Variants in HSDL1 observed in about 807,000 individuals in gnomAD.
HSDL1 encodes the protein inactive hydroxysteroid dehydrogenase-like protein 1.
HSDL1 carries 29 observed loss-of-function variants against 31.5 expected under a neutral mutation model. That is an observed-to-expected ratio of 0.92 (90% CI 0.69 to 1.26). The LOEUF (loss-of-function observed/expected upper bound fraction) is 1.26, where lower values mean the gene tolerates loss of function less well. HSDL1 is among the 50% of genes most tolerant of loss of function. The pLI is 0.00. For missense variants in HSDL1, 503 were observed against 416.6 expected (o/e 1.21, Z -1.81); for synonymous variants, 222 against 155.2 (o/e 1.43, Z -3.20).
In HSDL1 at chr16:84,135,581, G is replaced by C. The variant is rs1171118215; in HGVS notation, c.-44C>G. On this transcript the variant is annotated 5_prime_UTR_variant, in exon 2 of 6. Transcript: ENST00000219439. ...AGTTCTGGGCCGTCAGCAGTATGTG[G>C]CTCCGTCCTTCTCTTAAGGCCAATC... 2 of 152,218 alleles carry C rather than the reference G, an allele frequency of 1.3e-5. No homozygotes were observed. Among genetic ancestry groups the C allele is most frequent in the East Asian group, 1.9e-4 (1 of 5,196 alleles). 9.4% of individuals were successfully genotyped at this position (152,218 alleles called of 1,614,324 possible).
Position 84,130,017 on chromosome 16 carries a change from G to C in HSDL1, c.635C>G (p.Thr212Ser). 6.2e-7 allele frequency: 1 copy of C among 1,614,048 alleles called. No homozygotes were observed. The highest frequency in any genetic ancestry group is 8.5e-7 in the Non-Finnish European group (1 of 1,179,934). ...AGCAGAAAATGCAGCCAGCTGAGGA[G>C]TGGGTTTGCAGCAGGAGCCAGAAGA... ...TISSGSCCKP[T>S]PQLAAFSASK... is the part of the protein sequence containing the mutation. Residue 212 changes from threonine (T) to serine (S), a missense_variant, in exon 4 of 6, where the codon ACT becomes AGT. Thr to Ser is a moderately conservative substitution (Grantham distance 58). Coordinates refer to ENST00000219439, the MANE Select transcript of HSDL1 (RefSeq NM_031463.5).
intron 1 of HSDL1, among the ~76,000 whole-genome samples, chr16:84,136,480 G>A (rs1348547845): frequency 6.6e-6 from 1 of 152,260 alleles, no homozygotes; most frequent in Non-Finnish European, 1.5e-5. Context: ...TCTGGCTGCA[G>A]CTCACAGGCA....
intron 5 of HSDL1, among the ~76,000 whole-genome samples, chr16:84,127,936 G>A: frequency 6.6e-6 from 1 of 150,384 alleles, no homozygotes; most frequent in East Asian, 2.0e-4. Context: ...AGCCAGGATG[G>A]TCTCGATCTC....
intron 1 of HSDL1, among the ~76,000 whole-genome samples, chr16:84,143,145 G>C (rs1194236413): frequency 6.6e-6 from 1 of 152,182 alleles, no homozygotes; most frequent in African/African-American, 2.4e-5. Context: ...AAAAACTCCT[G>C]CTTGCATGTT....
chr16:84,127,452 G>A (rs1184790444), intron 5 of HSDL1, among the ~76,000 whole-genome samples: 1 of 151,708 alleles, frequency 6.6e-6, no homozygotes, highest in East Asian at 1.9e-4. Context: ...CTGACCTCAG[G>A]TGATCCACCA....
chr16:84,141,548 T>G (rs532233779), intron 1 of HSDL1, among the ~76,000 whole-genome samples: 1 of 152,366 alleles, frequency 6.6e-6, no homozygotes, highest in South Asian at 2.1e-4. Flanking sequence ...TGCCCATGGT[T>G]TAACTGCTGG....
intron 1 of HSDL1, among the ~76,000 whole-genome samples, chr16:84,137,428 C>T (rs545737398): frequency 1.5e-3 from 233 of 152,330 alleles, no homozygotes; most frequent in African/African-American, 5.4e-3. Context: ...GATGCCTTCA[C>T]GCCAGACTGG....
chr16:84,141,082 C>T (rs1020707240), intron 1 of HSDL1, among the ~76,000 whole-genome samples: 3 of 136,690 alleles, frequency 2.2e-5, no homozygotes, highest in African/African-American at 1.1e-4. Context: ...CAGAACGAGA[C>T]TCCGTCTCAA....
intron 1 of HSDL1, among the ~76,000 whole-genome samples, chr16:84,138,352 T>C (rs543860269): frequency 3.9e-5 from 6 of 152,312 alleles, no homozygotes; most frequent in African/African-American, 1.4e-4. Context: ...CAAAGGGGTA[T>C]AAACTTTCAA....
intron 2 of HSDL1, 108 bp from the exon 3 acceptor site, chr16:84,131,435 A>G (rs2086664888): frequency 4.1e-6 from 3 of 737,936 alleles, no homozygotes; most frequent in Non-Finnish European, 7.1e-6. Context: ...TGTCAATTGT[A>G]CGTTCAAATA....
At chr16:84,141,429 TAGGC>T (rs1377472098) in intron 1 of HSDL1, among the ~76,000 whole-genome samples, 9 of 152,176 alleles carry the variant, frequency 5.9e-5, no homozygotes, top group Non-Finnish European at 1.3e-4. Flanking sequence ...CTGCTGGTGC[TAGGC>T]ACGTGCACTG....
chr16:84,134,221 A>G (rs2086692233), intron 2 of HSDL1, among the ~76,000 whole-genome samples: 1 of 152,140 alleles, frequency 6.6e-6, no homozygotes. Flanking sequence ...TATGCTGATG[A>G]CGGGCACGGT....
chr16:84,127,073 C>T (rs1430062797), intron 5 of HSDL1, among the ~76,000 whole-genome samples: 1 of 152,098 alleles, frequency 6.6e-6, no homozygotes, highest in African/African-American at 2.4e-5. Flanking sequence ...TCTACTGCAC[C>T]TAAACCTGAT....
intron 5 of HSDL1, among the ~76,000 whole-genome samples, chr16:84,128,575 G>C (rs926108645): frequency 6.6e-6 from 1 of 152,044 alleles, no homozygotes; most frequent in African/African-American, 2.4e-5. Context: ...CCTATCTTGT[G>C]GTTTTGTGGT....
rs1179801494 is a variant in HSDL1, at chr16:84,122,165, T to C, written c.*2465A>G. The C allele has an allele frequency of 6.6e-6, 1 of 152,644 alleles. No homozygotes were observed. Among genetic ancestry groups the C allele is most frequent in the Non-Finnish European group, 1.5e-5 (1 of 68,042 alleles). The allele number at this position is 152,644 out of a possible 1,614,324, so 9.5% of individuals were successfully genotyped here. On this transcript the variant is annotated 3_prime_UTR_variant, in exon 6 of 6. Coordinates refer to ENST00000219439, the MANE Select transcript of HSDL1 (RefSeq NM_031463.5). ...ATTTTGTTACTGACGTGTCAGCTTT[T>C]AATCAGTTATGACCACTGTTGTTCA...
intron 5 of HSDL1, among the ~76,000 whole-genome samples, chr16:84,128,058 G>T (rs1597372435): frequency 6.6e-6 from 1 of 150,934 alleles, no homozygotes; most frequent in South Asian, 2.1e-4. Flanking sequence ...GGAGGCCAAG[G>T]CGGGTGGATC....
At chr16:84,137,078 A>G (rs2086719836) in intron 1 of HSDL1, among the ~76,000 whole-genome samples, 1 of 152,240 alleles carries the variant, frequency 6.6e-6, no homozygotes, top group Non-Finnish European at 1.5e-5. Flanking sequence ...ACAAAGTGTC[A>G]GAGACTGAGG....
chr16:84,143,906 G>A (rs1323654734), intron 1 of HSDL1, among the ~76,000 whole-genome samples: 3 of 152,086 alleles, frequency 2.0e-5, no homozygotes, highest in Admixed American at 6.6e-5. Context: ...GGAAGGCTGA[G>A]GCAGGAGAAT....
At position 84,130,114 on chromosome 16, in the gene HSDL1, C is replaced by G; in HGVS notation, c.538G>C (p.Ala180Pro). 6.2e-7 allele frequency: 1 copy of G among 1,614,132 alleles called. No homozygotes were observed. The highest frequency in any genetic ancestry group is 8.5e-7 in the Non-Finnish European group (1 of 1,180,022). ...LWDIINVNIA[A>P]ASLMVHVVLP... ...ACAACATGGACCATCAAACTAGCGG[C>G]GGCAATGTTCACATTTATGATGTCC... Residue 180 changes from alanine (A) to proline (P), a missense_variant, in exon 4 of 6, where the codon GCC (alanine) becomes CCC (proline). Coordinates refer to ENST00000219439, the MANE Select transcript of HSDL1 (RefSeq NM_031463.5).
Sources: gnomAD v4.1 joint callset for allele counts (sites outside exome capture counted in the v4.1 genomes callset) on GRCh38, gnomAD v4.1.1 for gene constraint, MANE v1.5 for transcripts, NCBI Gene and HGNC (gene_info 2026-07-23, HGNC 2026-07-21) for gene names.